LGSN: variants seen among roughly 807,000 people sequenced by gnomAD.
LGSN encodes the protein lengsin, lens protein with glutamine synthetase domain.
Under a neutral mutation model 19.5 loss-of-function variants are expected in LGSN, and 21 were observed. The observed-to-expected ratio is 1.07, with a 90% CI of 0.76 to 1.55. The LOEUF is 1.55. Among genes scored for constraint, LGSN ranks in the 40% most tolerant of loss-of-function variants. The probability of loss-of-function intolerance (pLI) is 0.00; values close to 1 mark genes in which losing one functional copy is unlikely to be tolerated. For synonymous variants in LGSN, 257 were observed against 215.6 expected, an observed-to-expected ratio of 1.19 and a Z score of -1.68; for missense variants, 673 against 608.5, an observed-to-expected ratio of 1.11 and a Z score of -1.12.
the LGSN span, chr6:63,549,274 C>T: frequency 1.3e-6 from 1 of 752,952 alleles, no homozygotes; most frequent in Non-Finnish European, 2.4e-6. Context: ...TGGTTAATCT[C>T]AGGAGGCACT....
chr6:63,299,011 G>C (rs1768088448), intron 1 of LGSN, among the ~76,000 whole-genome samples: 1 of 152,160 alleles, frequency 6.6e-6, no homozygotes, highest in African/African-American at 2.4e-5. Context: ...GTTCATGAAA[G>C]GTAGGCCCTC....
Position 63,280,341 on chromosome 6 carries a change from G to C in LGSN, c.1210C>G (p.Arg404Gly). The change falls in exon 4 of 4, where the codon CGG (arginine) becomes GGG (glycine). Residue 404 changes from arginine (R) to glycine (G), a missense_variant. By Grantham distance (125) the Arg-to-Gly change is moderately radical. Transcript: ENST00000370657. ...NIKCHGEKGT[R>G]IENKLGSATA... ...GCTGAGCCTAGTTTATTTTCTATCC[G>C]GGTGCCTTTCTCTCCATGACATTTG... is the stretch of plus-strand genomic sequence containing the variant. The C allele has an allele frequency of 6.2e-7, 1 of 1,614,114 alleles. No homozygotes were observed. The highest frequency in any genetic ancestry group is 1.1e-5 in the South Asian group (1 of 91,072).
At chr6:63,506,262 T>G in the LGSN span, among the ~76,000 whole-genome samples, 67,763 of 143,168 alleles carry the variant, frequency 0.47, 15,405 homozygotes, top group African/African-American at 0.58. Flanking sequence ...GGTGTTGTTG[T>G]TGTTGTTGTT....
the LGSN span, among the ~76,000 whole-genome samples, chr6:63,489,911 T>C: frequency 6.6e-6 from 1 of 152,142 alleles, no homozygotes; most frequent in Non-Finnish European, 1.5e-5. Flanking sequence ...GGTTTTACCA[T>C]GTTGGCCAGG....
chr6:63,421,403 C>A, the LGSN span, among the ~76,000 whole-genome samples: 3 of 139,952 alleles, frequency 2.1e-5, no homozygotes, highest in South Asian at 2.3e-4. Context: ...CCAGCCTGGG[C>A]GACAAAGCAA....
At chr6:63,379,177 GC>G in the LGSN span, among the ~76,000 whole-genome samples, 163 of 151,128 alleles carry the variant, frequency 1.1e-3, 1 homozygote, top group African/African-American at 3.4e-3. Context: ...GAGAGTAAAT[GC>G]CCCCCCCTTT....
At chr6:63,571,094 G>A in the LGSN span, 1 of 152,088 alleles carries the variant, frequency 6.6e-6, no homozygotes, top group Non-Finnish European at 1.5e-5. Flanking sequence ...ATGTGTCGTA[G>A]GTGAGCCATT....
At chr6:63,556,133 C>A in the LGSN span, among the ~76,000 whole-genome samples, 1 of 152,106 alleles carries the variant, frequency 6.6e-6, no homozygotes, top group Non-Finnish European at 1.5e-5. Context: ...CACCCTAATA[C>A]AAGAAAACAG....
the LGSN span, among the ~76,000 whole-genome samples, chr6:63,412,751 G>GAA: frequency 1.5e-5 from 1 of 67,120 alleles, no homozygotes; most frequent in East Asian, 3.3e-4. Context: ...AAGAAAGAAA[G>GAA]AAAGAAAGAA....
At chr6:63,530,690 A>G in the LGSN span, among the ~76,000 whole-genome samples, 1 of 152,218 alleles carries the variant, frequency 6.6e-6, no homozygotes, top group Non-Finnish European at 1.5e-5. Flanking sequence ...AATAAAACAT[A>G]TACATAGAAA....
At chr6:63,362,740 T>A in the LGSN span, among the ~76,000 whole-genome samples, 3 of 152,216 alleles carry the variant, frequency 2.0e-5, no homozygotes, top group Non-Finnish European at 2.9e-5. Flanking sequence ...CAAGGAGGCC[T>A]GCCTGCCTCT....
the LGSN span, among the ~76,000 whole-genome samples, chr6:63,435,903 C>T: frequency 1.5e-4 from 18 of 119,848 alleles, no homozygotes; most frequent in African/African-American, 4.6e-4. Context: ...AGTCATCATC[C>T]AAATTAAAAA....
At chr6:63,306,822 G>T (rs114769931) in intron 1 of LGSN, among the ~76,000 whole-genome samples, 1 of 152,166 alleles carries the variant, frequency 6.6e-6, no homozygotes, top group African/African-American at 2.4e-5. Context: ...CGTGGCCCTC[G>T]TGTTGCCAGT....
At chr6:63,432,166 A>G in the LGSN span, among the ~76,000 whole-genome samples, 13 of 99,252 alleles carry the variant, frequency 1.3e-4, no homozygotes, top group African/African-American at 5.6e-4. Flanking sequence ...AGAAAGAAAG[A>G]AAGAAAAGGA....
the LGSN span, among the ~76,000 whole-genome samples, chr6:63,519,420 A>G: frequency 2.6e-5 from 4 of 152,184 alleles, no homozygotes; most frequent in Non-Finnish European, 2.9e-5. Context: ...CTCTTTTCAT[A>G]GCTTTTTGGA....
chr6:63,468,531 G>A, the LGSN span, among the ~76,000 whole-genome samples: 7 of 151,900 alleles, frequency 4.6e-5, no homozygotes, highest in Non-Finnish European at 8.8e-5. Context: ...GGGTACAAGC[G>A]ATTCTGTTGC....
At chr6:63,526,678 T>C in the LGSN span, among the ~76,000 whole-genome samples, 2 of 151,020 alleles carry the variant, frequency 1.3e-5, no homozygotes, top group African/African-American at 4.9e-5. Context: ...CGTGGTGGCG[T>C]GTGCCTGTAG....
At chr6:63,387,267 T>G in the LGSN span, among the ~76,000 whole-genome samples, 1 of 152,166 alleles carries the variant, frequency 6.6e-6, no homozygotes, top group African/African-American at 2.4e-5. Flanking sequence ...CTTCCATGAA[T>G]TCAACCAACC....
the LGSN span, among the ~76,000 whole-genome samples, chr6:63,562,575 TA>T: frequency 1.3e-5 from 2 of 152,364 alleles, no homozygotes; most frequent in East Asian, 3.9e-4. Context: ...GTTGATTTTT[TA>T]ACTAATTTCT....
Sources: allele counts gnomAD v4.1 joint callset (sites outside exome capture counted in the v4.1 genomes callset), GRCh38; gene constraint gnomAD v4.1.1; transcripts MANE v1.5; gene names NCBI Gene and HGNC (gene_info 2026-07-23, HGNC 2026-07-21).